Variants in KIAA1217 observed in about 807,000 individuals in gnomAD.
KIAA1217 encodes sickle tail protein homolog.
In KIAA1217, 88 loss-of-function variants were observed where a neutral mutation model predicts 163.9. The ratio of observed to expected loss-of-function variants is 0.54; its 90% CI spans 0.45 to 0.64. The LOEUF (loss-of-function observed/expected upper bound fraction) is 0.64, where lower values mean the gene tolerates loss of function less well. Among genes scored for constraint, KIAA1217 ranks in the 30% least tolerant of loss-of-function variants. The pLI, the probability that KIAA1217 is intolerant of heterozygous loss-of-function variation, is 0.00. For synonymous variants in KIAA1217, 903 were observed against 923.1 expected (o/e 0.98, Z 0.39); for missense variants, 2,372 against 2,475.0 (o/e 0.96, Z 0.88).
chr10:24,368,817 C>A (rs980463903), intron 2 of KIAA1217: 26 of 982,124 alleles, frequency 2.6e-5, no homozygotes, highest in Non-Finnish European at 3.0e-5. Flanking sequence ...CTAGAATCAC[C>A]CTACTGAGAG....
At chr10:23,862,542 G>T (rs1840004551) in intron 1 of KIAA1217, among the ~76,000 whole-genome samples, 1 of 152,034 alleles carries the variant, frequency 6.6e-6, no homozygotes, top group South Asian at 2.1e-4. Context: ...TATATTTTCA[G>T]ATTATAGTTT....
At chr10:23,763,185 GC>G (rs1367188838) in intron 1 of KIAA1217, among the ~76,000 whole-genome samples, 2 of 152,100 alleles carry the variant, frequency 1.3e-5, no homozygotes, top group Admixed American at 6.5e-5. Context: ...TGGCCATACT[GC>G]CCAAAGTAAT....
intron 1 of KIAA1217, among the ~76,000 whole-genome samples, chr10:23,959,992 C>T (rs58452989): frequency 0.031 from 4,650 of 150,562 alleles, 246 homozygotes; most frequent in African/African-American, 0.11. Flanking sequence ...CTCAGCTCAC[C>T]GCAAGCTCCT....
chr10:24,009,328 T>C (rs149298768), intron 2 of KIAA1217, among the ~76,000 whole-genome samples: 2 of 152,118 alleles, frequency 1.3e-5, no homozygotes, highest in East Asian at 1.9e-4. Context: ...TTACTTACCC[T>C]TGGGTAAGCG....
intron 6 of KIAA1217, among the ~76,000 whole-genome samples, chr10:24,488,476 G>C (rs1286181321): frequency 1.3e-5 from 2 of 152,196 alleles, no homozygotes; most frequent in Admixed American, 6.5e-5. Flanking sequence ...GGCCCGGGGA[G>C]AAGAAATGGC....
At chr10:23,794,825 T>C (rs1213201335) in intron 1 of KIAA1217, among the ~76,000 whole-genome samples, 3 of 152,264 alleles carry the variant, frequency 2.0e-5, no homozygotes, top group Admixed American at 2.0e-4. Flanking sequence ...TATATAAAGA[T>C]ACATCTTTTA....
chr10:24,156,054 C>T (rs936798866), intron 2 of KIAA1217, among the ~76,000 whole-genome samples: 12 of 152,030 alleles, frequency 7.9e-5, no homozygotes, highest in African/African-American at 2.2e-4. Context: ...TTTGATAAAC[C>T]TCAACGTATG....
intron 1 of KIAA1217, among the ~76,000 whole-genome samples, chr10:23,772,243 G>A (rs1374128993): frequency 2.6e-5 from 4 of 152,140 alleles, no homozygotes; most frequent in Non-Finnish European, 4.4e-5. Flanking sequence ...AATACCCAAC[G>A]TCCTTGGTTA....
At chr10:24,155,123 G>A (rs1055236244) in intron 2 of KIAA1217, among the ~76,000 whole-genome samples, 3 of 152,112 alleles carry the variant, frequency 2.0e-5, no homozygotes, top group Non-Finnish European at 2.9e-5. Flanking sequence ...AAATGATTAC[G>A]ATGATAAATG....
chr10:24,277,793 A>G (rs947574073), intron 2 of KIAA1217, among the ~76,000 whole-genome samples: 1 of 152,052 alleles, frequency 6.6e-6, no homozygotes, highest in African/African-American at 2.4e-5. Flanking sequence ...AAATTACCCA[A>G]TCTCAGGTTT....
chr10:23,776,500 C>T (rs1054289454), intron 1 of KIAA1217, among the ~76,000 whole-genome samples: 3 of 150,782 alleles, frequency 2.0e-5, no homozygotes, highest in African/African-American at 7.3e-5. Flanking sequence ...TTGTATATAC[C>T]ATAAGGAGCA....
At chr10:24,198,010 T>C (rs1361977078) in intron 2 of KIAA1217, among the ~76,000 whole-genome samples, 1 of 152,268 alleles carries the variant, frequency 6.6e-6, no homozygotes, top group Non-Finnish European at 1.5e-5. Flanking sequence ...TGCTCTGAAT[T>C]GGTCTGTGAG....
At chr10:23,791,116 TC>T (rs1835928758) in intron 1 of KIAA1217, among the ~76,000 whole-genome samples, 2 of 152,186 alleles carry the variant, frequency 1.3e-5, no homozygotes, top group Non-Finnish European at 2.9e-5. Context: ...TCTTTTGACA[TC>T]TATAAATAGC....
intron 2 of KIAA1217, among the ~76,000 whole-genome samples, chr10:24,290,919 A>G (rs2132447590): frequency 6.6e-6 from 1 of 152,146 alleles, no homozygotes; most frequent in Non-Finnish European, 1.5e-5. Context: ...CTCTCTTAAG[A>G]CCTTTTATTG....
At chr10:24,439,114 T>C (rs1387340258) in intron 5 of KIAA1217, among the ~76,000 whole-genome samples, 1 of 152,174 alleles carries the variant, frequency 6.6e-6, no homozygotes, top group Non-Finnish European at 1.5e-5. Flanking sequence ...CACAGGGATG[T>C]TTTGAAGAAA....
chr10:24,087,304 G>A (rs1166613570), intron 2 of KIAA1217, among the ~76,000 whole-genome samples: 1 of 152,070 alleles, frequency 6.6e-6, no homozygotes, highest in Non-Finnish European at 1.5e-5. Context: ...TTAATATATT[G>A]TCTTTGCATT....
At chr10:23,900,379 C>T (rs946784847) in intron 1 of KIAA1217, among the ~76,000 whole-genome samples, 7 of 151,980 alleles carry the variant, frequency 4.6e-5, no homozygotes, top group Admixed American at 2.6e-4. Flanking sequence ...CCAATGGGGA[C>T]GTTGCTGCTT....
intron 1 of KIAA1217, among the ~76,000 whole-genome samples, chr10:23,822,644 T>C (rs1335222478): frequency 6.6e-6 from 1 of 152,154 alleles, no homozygotes; most frequent in Non-Finnish European, 1.5e-5. Context: ...CAGATTGGGG[T>C]AATTGTACTT....
intron 2 of KIAA1217, among the ~76,000 whole-genome samples, chr10:24,032,148 G>T (rs12252397): frequency 8.5e-5 from 13 of 152,248 alleles, no homozygotes; most frequent in African/African-American, 2.6e-4. Context: ...TAACTAAGAA[G>T]TTGAAGAAGA....
Sources: gnomAD v4.1 joint callset for allele counts (sites outside exome capture counted in the v4.1 genomes callset) on GRCh38, gnomAD v4.1.1 for gene constraint, MANE v1.5 for transcripts, NCBI Gene and HGNC (gene_info 2026-07-23, HGNC 2026-07-21) for gene names.